Variants in MID1 observed in about 807,000 individuals in gnomAD.
The protein encoded by MID1 is midline 1, also known as E3 ubiquitin-protein ligase Midline-1.
Under a neutral mutation model 40.4 loss-of-function variants are expected in MID1, and 7 were observed. The ratio of observed to expected loss-of-function variants is 0.17; its 90% CI spans 0.10 to 0.33. The LOEUF (loss-of-function observed/expected upper bound fraction) is 0.33, where lower values mean the gene tolerates loss of function less well. MID1 is among the 10% of genes least tolerant of loss of function. MID1 has a pLI of 1.00. For synonymous variants in MID1, 229 were observed against 221.2 expected (o/e 1.04, Z -0.31); for missense variants, 367 against 558.5 (o/e 0.66, Z 3.46).
intron 1 of MID1, among the ~76,000 whole-genome samples, chrX:10,682,993 A>G (rs945423204): frequency 5.4e-5 from 6 of 111,329 alleles, no homozygotes; most frequent in African/African-American, 2.0e-4. Flanking sequence ...TGAAACTAGA[A>G]GGAGAGTATA....
chrX:10,669,713 T>G (rs892600777), intron 1 of MID1, among the ~76,000 whole-genome samples: 1 of 112,436 alleles, frequency 8.9e-6, no homozygotes, highest in African/African-American at 3.2e-5. Context: ...AAATCTCATA[T>G]TTTTTGCAAA....
intron 1 of MID1, among the ~76,000 whole-genome samples, chrX:10,811,036 G>C (rs1400004952): frequency 2.7e-5 from 3 of 110,732 alleles, no homozygotes; most frequent in African/African-American, 9.9e-5. Flanking sequence ...TCCTTTTCCT[G>C]GGGGCATTCA....
intron 3 of MID1, among the ~76,000 whole-genome samples, chrX:10,500,854 C>T (rs185775999): frequency 8.9e-6 from 1 of 111,830 alleles, no homozygotes; most frequent in East Asian, 2.8e-4. Context: ...CTCTTCTTTC[C>T]ACTTTTGTGC....
chrX:10,511,283 T>C (rs889645549), intron 3 of MID1, among the ~76,000 whole-genome samples: 4 of 111,220 alleles, frequency 3.6e-5, no homozygotes, highest in Non-Finnish European at 7.5e-5. Flanking sequence ...CAAATTAGCA[T>C]TTCAAAGCAA....
intron 2 of MID1, among the ~76,000 whole-genome samples, chrX:10,562,371 TAAAAAAAAAAAA>T (rs760465620): frequency 2.2e-5 from 1 of 44,891 alleles, no homozygotes; most frequent in Non-Finnish European, 4.3e-5. Flanking sequence ...GAACTTAAAG[TAAAAAAAAAAAA>T]AAAAAAAAGA....
At chrX:10,638,294 G>A (rs775160949) in intron 1 of MID1, among the ~76,000 whole-genome samples, 10 of 111,825 alleles carry the variant, frequency 8.9e-5, no homozygotes, top group Admixed American at 7.6e-4. Context: ...GGAAAATCGG[G>A]ACACTCCCAC....
chrX:10,526,021 A>G (rs981746861), intron 2 of MID1, among the ~76,000 whole-genome samples: 3 of 112,266 alleles, frequency 2.7e-5, no homozygotes, highest in African/African-American at 9.7e-5. Flanking sequence ...ACTAAAATAC[A>G]TTTTAAAATA....
chrX:10,752,495 G>C (rs930033397), intron 1 of MID1, among the ~76,000 whole-genome samples: 1 of 111,913 alleles, frequency 8.9e-6, no homozygotes, highest in Non-Finnish European at 1.9e-5. Flanking sequence ...ACTGTTGAGA[G>C]GATTAAATGA....
intron 1 of MID1, among the ~76,000 whole-genome samples, chrX:10,706,977 AT>A (rs1258643101): frequency 8.9e-6 from 1 of 111,993 alleles, no homozygotes; most frequent in African/African-American, 3.2e-5. Context: ...TAACTATAGC[AT>A]TATAATTGTG....
chrX:10,536,837 A>C (rs764849800), intron 2 of MID1, among the ~76,000 whole-genome samples: 2 of 112,161 alleles, frequency 1.8e-5, no homozygotes, highest in Non-Finnish European at 3.8e-5. Context: ...TCTTGTGGAC[A>C]TTTTGTTATC....
intron 2 of MID1, among the ~76,000 whole-genome samples, chrX:10,533,380 A>G (rs202095734): frequency 0.011 from 640 of 59,974 alleles, 2 homozygotes; most frequent in Middle Eastern, 0.024. Context: ...AAGAAAGAAA[A>G]AGAAAGAAAG....
At chrX:10,683,962 G>T (rs758476548) in intron 1 of MID1, among the ~76,000 whole-genome samples, 5 of 107,534 alleles carry the variant, frequency 4.6e-5, no homozygotes, top group Non-Finnish European at 7.7e-5. Flanking sequence ...TAGAGACGGG[G>T]TTTCACCATG....
At chrX:10,565,807 A>ATTTTTT (rs1172327892) in intron 2 of MID1, among the ~76,000 whole-genome samples, 2 of 87,002 alleles carry the variant, frequency 2.3e-5, no homozygotes, top group African/African-American at 8.8e-5. Context: ...TTAGAGAGTG[A>ATTTTTT]TTTTTTTTTT....
At chrX:10,565,798 TAG>T (rs1347183237) in intron 2 of MID1, among the ~76,000 whole-genome samples, 1 of 106,506 alleles carries the variant, frequency 9.4e-6, no homozygotes, top group Non-Finnish European at 1.9e-5. Flanking sequence ...TATCCATACT[TAG>T]AGAGTGATTT....
At chrX:10,735,878 T>G (rs2043484253) in intron 1 of MID1, among the ~76,000 whole-genome samples, 1 of 110,774 alleles carries the variant, frequency 9.0e-6, no homozygotes, top group African/African-American at 3.3e-5. Flanking sequence ...TATTTTCCCC[T>G]GCCTCGGTCT....
intron 3 of MID1, among the ~76,000 whole-genome samples, chrX:10,499,500 C>T (rs1931435621): frequency 9.0e-6 from 1 of 111,409 alleles, no homozygotes; most frequent in Admixed American, 9.6e-5. Flanking sequence ...CTTTTGTTGT[C>T]GTACCTAAGA....
intron 1 of MID1, among the ~76,000 whole-genome samples, chrX:10,780,269 G>A (rs190713405): frequency 8.9e-6 from 1 of 111,776 alleles, no homozygotes; most frequent in East Asian, 2.8e-4. Flanking sequence ...CCAGGCCAGA[G>A]AGCCCTTCTT....
chrX:10,720,812 T>G (rs1418975442), intron 1 of MID1, among the ~76,000 whole-genome samples: 1 of 109,980 alleles, frequency 9.1e-6, no homozygotes, highest in South Asian at 3.9e-4. Context: ...TGTCCAACAA[T>G]GATAGACTGG....
chrX:10,599,503 G>C (rs569585188), intron 1 of MID1, among the ~76,000 whole-genome samples: 1 of 112,437 alleles, frequency 8.9e-6, no homozygotes, highest in South Asian at 3.7e-4. Context: ...GATATGCCAT[G>C]ATCATATGCT....
Sources: allele counts gnomAD v4.1 joint callset (sites outside exome capture counted in the v4.1 genomes callset), GRCh38; gene constraint gnomAD v4.1.1; transcripts MANE v1.5; gene names NCBI Gene and HGNC (gene_info 2026-07-23, HGNC 2026-07-21).